The following LPCAT1 variants were observed in gnomAD, a reference collection of about 807,000 sequenced individuals.
LPCAT1 encodes the protein lysophosphatidylcholine acyltransferase 1.
LPCAT1 carries 23 observed loss-of-function variants against 60.9 expected under a neutral mutation model. The observed-to-expected ratio is 0.38, with a 90% confidence interval of 0.27 to 0.53. LPCAT1 has a LOEUF of 0.53. LPCAT1 is among the 20% of genes least tolerant of loss of function. The pLI is 0.82. For synonymous variants in LPCAT1, 340 were observed against 301.1 expected (o/e 1.13, Z -1.34); for missense variants, 622 against 723.6 (o/e 0.86, Z 1.61).
chr5:1,520,736 G>A (rs1356542709), intron 1 of LPCAT1, among the ~76,000 whole-genome samples: 3 of 151,254 alleles, frequency 2.0e-5, no homozygotes, highest in Admixed American at 1.3e-4. Flanking sequence ...TGTGGCGGGC[G>A]CCTGTAGTCC....
chr5:1,515,438 A>C (rs1236653235), intron 1 of LPCAT1, among the ~76,000 whole-genome samples: 4 of 148,716 alleles, frequency 2.7e-5, no homozygotes, highest in Non-Finnish European at 5.9e-5. Flanking sequence ...ACCCGCAAAT[A>C]CAAGGTCCCC....
chr5:1,487,011 C>G lies in LPCAT1; in HGVS notation c.667+1380G>C, dbSNP rs1477336699. ...CGTTGAGAGGTGCTCACACGCCCTC[C>G]TCACGTCTACACAAGGGCCGCCAGC... is the stretch of plus-strand genomic sequence containing the variant. On this transcript the variant is annotated intron_variant, in intron 5 of 13. Coordinates refer to ENST00000283415, the MANE Select transcript of LPCAT1 (RefSeq NM_024830.5). The surrounding 1 kb of genome is among the most constrained non-coding windows in gnomAD (Gnocchi z 6.1). Among the ~76,000 whole-genome samples the G allele has an allele frequency of 6.6e-6, 1 of 152,212 alleles. No individual in the cohort carries two copies. Among genetic ancestry groups the G allele is most frequent in the Non-Finnish European group, 1.5e-5 (1 of 68,030 alleles).
rs528306661 is a variant in LPCAT1, at chr5:1,516,181, A to G, written c.135+7529T>C. On this transcript the variant is annotated intron_variant, in intron 1 of 13. Coordinates refer to ENST00000283415, the MANE Select transcript of LPCAT1 (RefSeq NM_024830.5). ...TGAGGGAGAGGAGAGCCCACTCTTTACAGAGACTTCCCCAATGGCACAGGC... is the reference window on the plus strand; with the variant it reads ...TGAGGGAGAGGAGAGCCCACTCTTTGCAGAGACTTCCCCAATGGCACAGGC... 9.2e-5 allele frequency among the ~76,000 whole-genome samples: 14 copies of G among 152,322 alleles called. No homozygotes were observed. The East Asian group carries it at 2.7e-3, about 29-fold the overall frequency.
Position 1,521,839 on chromosome 5 carries a change from C to A in LPCAT1, c.135+1871G>T, listed in dbSNP as rs778637168. On this transcript the variant is annotated intron_variant, in intron 1 of 13. Coordinates refer to ENST00000283415, the MANE Select transcript of LPCAT1 (RefSeq NM_024830.5). The surrounding 1 kb of genome is among the most constrained non-coding windows in gnomAD (Gnocchi z 4.3). ...GGGAGCAGCTTGCACCCTGAGGTCTCGGGGAGGAAAGCAGGCCCCTCTGGG... is the reference window on the plus strand; with the variant it reads ...GGGAGCAGCTTGCACCCTGAGGTCTAGGGGAGGAAAGCAGGCCCCTCTGGG... Among the ~76,000 whole-genome samples, 3 of 152,218 alleles carry A rather than the reference C, an allele frequency of 2.0e-5. No homozygotes were observed. Among genetic ancestry groups the A allele is most frequent in the Non-Finnish European group, 2.9e-5 (2 of 68,042 alleles).
At chr5:1,474,494 GC>G in intron 10 of LPCAT1, 65 bp downstream of exon 10, 1 of 1,581,320 alleles carries the variant, frequency 6.3e-7, no homozygotes, top group Non-Finnish European at 8.6e-7. Flanking sequence ...ACCCCAGGCA[GC>G]CCCCGCCAGA....
At chr5:1,474,249 T>C in intron 10 of LPCAT1, 139 bp from the exon 11 acceptor site, 1 of 1,008,856 alleles carries the variant, frequency 9.9e-7, no homozygotes, top group Non-Finnish European at 1.4e-6. Context: ...GGCATTCTCC[T>C]AATTGGAAGG....
intron 1 of LPCAT1, among the ~76,000 whole-genome samples, chr5:1,515,439 C>T (rs1736478953): frequency 1.3e-5 from 2 of 150,536 alleles, no homozygotes; most frequent in Admixed American, 1.3e-4. Flanking sequence ...CCCGCAAATA[C>T]AAGGTCCCCC....
intron 1 of LPCAT1, among the ~76,000 whole-genome samples, chr5:1,511,838 G>A (rs1007627735): frequency 2.0e-5 from 3 of 152,178 alleles, no homozygotes; most frequent in Admixed American, 1.3e-4. Context: ...GCTGTGCATC[G>A]TCCTCTGCTC....
rs556769872 is a variant in LPCAT1 at position 1,496,220 on chromosome 5, G to A, written c.279-1306C>T. On this transcript the variant is annotated intron_variant, in intron 2 of 13. Transcript: ENST00000283415. The surrounding 1 kb of genome is among the most constrained non-coding windows in gnomAD (Gnocchi z 4.7). ...TACTAAAAATACAAAAATTAGCTGG[G>A]CATGGTGGCAGGCGTCTGTAATCCC... Among the ~76,000 whole-genome samples the A allele has an allele frequency of 6.6e-5, 10 of 152,170 alleles. No homozygotes were observed. The highest frequency in any genetic ancestry group is 2.6e-4 in the Admixed American group (4 of 15,296).
chr5:1,475,814 G>A (rs1023682940), intron 9 of LPCAT1, among the ~76,000 whole-genome samples: 8 of 100,236 alleles, frequency 8.0e-5, no homozygotes, highest in African/African-American at 2.7e-4. Flanking sequence ...GAGTGGGGCT[G>A]CACGGCCCCG....
chr5:1,491,482 G>T (rs1735579458), intron 3 of LPCAT1, among the ~76,000 whole-genome samples: 1 of 148,192 alleles, frequency 6.7e-6, no homozygotes, highest in African/African-American at 2.5e-5. Flanking sequence ...ACTCAGATGG[G>T]TCCGGGGGTA....
intron 1 of LPCAT1, among the ~76,000 whole-genome samples, chr5:1,505,866 C>G (rs1736171186): frequency 6.6e-6 from 1 of 152,228 alleles, no homozygotes; most frequent in African/African-American, 2.4e-5. Context: ...CAGCTCCTTC[C>G]TCTATGGGAA....
chr5:1,482,737 T>TGGGGG (rs1735210053), intron 6 of LPCAT1, among the ~76,000 whole-genome samples: 1 of 78,218 alleles, frequency 1.3e-5, no homozygotes, highest in African/African-American at 5.3e-5. Flanking sequence ...TGGGGTGGGG[T>TGGGGG]GTGGTGTGGT....
chr5:1,485,981 C>T (rs1191365177), intron 5 of LPCAT1, among the ~76,000 whole-genome samples: 4 of 152,216 alleles, frequency 2.6e-5, no homozygotes, highest in Non-Finnish European at 5.9e-5. Context: ...AGGGCCTTCT[C>T]ACTGTCTTCG....
intron 2 of LPCAT1, 44 bp downstream of exon 2, chr5:1,501,417 G>A (rs752054716): frequency 1.3e-5 from 21 of 1,568,066 alleles, no homozygotes; most frequent in East Asian, 2.4e-5. Flanking sequence ...GTTTGGCCGC[G>A]TGACCCCCCC....
rs187356951 is a variant in LPCAT1 at position 1,480,207 on chromosome 5, G to A, written c.762-532C>T. ...ATGCCAGCCCCAGCCCTAGGCCCCC[G>A]GGACCCCAGAACCCCTATACCCCCC... is the stretch of plus-strand genomic sequence containing the variant. On this transcript the variant is annotated intron_variant, in intron 7 of 13. Coordinates refer to ENST00000283415, the MANE Select transcript of LPCAT1 (RefSeq NM_024830.5). This position sits in a 1 kb window ranked among gnomAD's most constrained non-coding sequence, Gnocchi z 6.4. 1.3e-3 allele frequency: 400 copies of A among 312,062 alleles called. 2 individuals carry two copies. Among genetic ancestry groups the A allele is most frequent in the Admixed American group, 4.7e-3 (71 of 14,998 alleles). 19.3% of individuals were successfully genotyped at this position (312,062 alleles called of 1,614,324 possible). A position where few individuals can be genotyped will look rare whatever the true frequency, so the allele number is the denominator to read the frequency against.
chr5:1,506,200 A>G lies in LPCAT1; in HGVS notation c.136-4597T>C, dbSNP rs145752550. 5.3e-3 allele frequency among the ~76,000 whole-genome samples: 802 copies of G among 152,180 alleles called. 3 individuals are homozygous for G. Among genetic ancestry groups the G allele is most frequent in the Non-Finnish European group, 9.3e-3 (634 of 67,978 alleles). On this transcript the variant is annotated intron_variant, in intron 1 of 13. Transcript: ENST00000283415. ...GCAGTGCTGTGAAAACTGCTTGGAG[A>G]GGGGGCCTCTGGGAGCCCCAGGCAG... is the stretch of plus-strand genomic sequence containing the variant.
intron 12 of LPCAT1, among the ~76,000 whole-genome samples, chr5:1,470,022 A>G (rs1475302841): frequency 6.6e-6 from 1 of 152,210 alleles, no homozygotes; most frequent in Non-Finnish European, 1.5e-5. Flanking sequence ...CAGTGTTGCT[A>G]TGGAGAGGGT....
rs1271068661 is a variant in LPCAT1, at chr5:1,463,831, G to T, written c.1425C>A (p.Asp475Glu). 6.2e-7 allele frequency: 1 copy of T among 1,613,966 alleles called. No individual in the cohort carries two copies. The highest frequency in any genetic ancestry group is 8.5e-7 in the Non-Finnish European group (1 of 1,179,888). ...QEEKGKITFA[D>E]FHRFAEMYPA... Reference sequence around the variant, plus strand: ...GGTACATTTCTGCAAACCTGTGGAAGTCAGCTGGAAAGACAAAGGCACCTG... The same window carrying T: ...GGTACATTTCTGCAAACCTGTGGAATTCAGCTGGAAAGACAAAGGCACCTG... Residue 475 changes from aspartate (D) to glutamate (E), a missense_variant, in exon 14 of 14, where the codon GAC becomes GAA. This residue lies in a region of LPCAT1 where 288 missense variants were observed against 283.6 expected (regional missense o/e 1.02). Coordinates refer to ENST00000283415, the MANE Select transcript of LPCAT1 (RefSeq NM_024830.5).
Sources: gnomAD v4.1 joint callset for allele counts (sites outside exome capture counted in the v4.1 genomes callset) on GRCh38, gnomAD v4.1.1 for gene constraint, gnomAD v4.1.1 regional missense constraint, Gnocchi (gnomAD v3.1) non-coding constraint, MANE v1.5 for transcripts, NCBI Gene and HGNC (gene_info 2026-07-23, HGNC 2026-07-21) for gene names.